MMEL1: variants seen among roughly 807,000 people sequenced by gnomAD.
MMEL1 encodes the protein membrane metalloendopeptidase like 1.
MMEL1 carries 98 observed loss-of-function variants against 117.1 expected under a neutral mutation model. The ratio of observed to expected loss-of-function variants is 0.84; its 90% CI spans 0.71 to 0.99. The LOEUF is 0.99. Among genes scored for constraint, MMEL1 ranks in the 50% least tolerant of loss-of-function variants. MMEL1 has a pLI of 0.00. For synonymous variants in MMEL1, 390 were observed against 415.1 expected, an observed-to-expected ratio of 0.94 and a Z score of 0.74; for missense variants, 1,014 against 1,049.1, an observed-to-expected ratio of 0.97 and a Z score of 0.46.
At chr1:2,607,109 T>C (rs1187657752) in intron 6 of MMEL1, 40 bp from the exon 7 acceptor site, 1 of 1,555,212 alleles carries the variant, frequency 6.4e-7, no homozygotes, top group Admixed American at 1.7e-5. Context: ...AGCCTCCCTG[T>C]GGCTCACGTG....
At chr1:2,613,525 C>T (rs539805304) in intron 2 of MMEL1, among the ~76,000 whole-genome samples, 77 of 152,262 alleles carry the variant, frequency 5.1e-4, no homozygotes, top group Non-Finnish European at 1.0e-3. Flanking sequence ...GCCAGGAGAG[C>T]AAGCTGGAGA....
Position 2,606,307 on chromosome 1 carries a change from C to T in MMEL1, c.691G>A (p.Val231Ile), listed in dbSNP as rs544074938. 26 of 1,613,030 alleles carry T rather than the reference C, an allele frequency of 1.6e-5. No homozygotes were observed. Among genetic ancestry groups the T allele is most frequent in the East Asian group, 6.7e-5 (3 of 44,878 alleles). Residue 231 changes from valine to isoleucine, a missense_variant, in exon 8 of 24, where the codon GTC becomes ATC. Transcript: ENST00000378412. ...ALMNSQFNRR[V>I]LIDLFIWNDD... ...TTCCAGATGAAGAGGTCGATGAGGA[C>T]GCGCCTGTTGAACTGTGAGTTCATC...
rs1435791563 is a variant in MMEL1 at position 2,612,975 on chromosome 1, C to A, written c.155-771G>T. On this transcript the variant is annotated intron_variant, in intron 2 of 23. Coordinates refer to ENST00000378412, the MANE Select transcript of MMEL1 (RefSeq NM_033467.4). This position sits in a 1 kb window ranked among gnomAD's most constrained non-coding sequence, Gnocchi z 5.4. The stretch of plus-strand genomic sequence containing the variant: ...GGAACAGGGCTCGTTCAGGTCAGGG[C>A]TGTTGGCAGGCCTGGAACCTGGCCT... 4.6e-5 allele frequency among the ~76,000 whole-genome samples: 7 copies of A among 152,212 alleles called. No individual in the cohort carries two copies. Among genetic ancestry groups the A allele is most frequent in the African/African-American group, 1.7e-4 (7 of 41,460 alleles).
At chr1:2,617,767 A>G (rs1040819151) in intron 2 of MMEL1, among the ~76,000 whole-genome samples, 1 of 152,184 alleles carries the variant, frequency 6.6e-6, no homozygotes, top group African/African-American at 2.4e-5. Context: ...GAAAAAGCAA[A>G]AACAGTGAGA....
At chr1:2,632,169 G>A (rs1258522744) in intron 1 of MMEL1, among the ~76,000 whole-genome samples, 3 of 149,414 alleles carry the variant, frequency 2.0e-5, no homozygotes, top group Non-Finnish European at 4.4e-5. Flanking sequence ...CCTTGGCTCG[G>A]CCTCGGGTTC....
chr1:2,601,873 G>A (rs1644937259), intron 11 of MMEL1, among the ~76,000 whole-genome samples: 1 of 152,266 alleles, frequency 6.6e-6, no homozygotes, highest in South Asian at 2.1e-4. Flanking sequence ...GTGCAGAAAC[G>A]GCTGAGAACG....
chr1:2,606,315 T>TTGAACTGTGAGTTCATCAGCGCCAGCTGA lies in MMEL1; in HGVS notation c.682_683insTCAGCTGGCGCTGATGAACTCACAGTTCA (p.Asn228IlefsTer5). The TTGAACTGTGAGTTCATCAGCGCCAGCTGA allele has an allele frequency of 2.5e-6, 4 of 1,612,982 alleles. No homozygotes were observed. Among genetic ancestry groups the TTGAACTGTGAGTTCATCAGCGCCAGCTGA allele is most frequent in the Non-Finnish European group, 3.4e-6 (4 of 1,179,932 alleles). ...GAAGAGGTCGATGAGGACGCGCCTG[T>TTGAACTGTGAGTTCATCAGCGCCAGCTGA]TGAACTGTGAGTTCATCAGCGCCAG... On this transcript the variant is annotated stop_gained and frameshift_variant, in exon 8 of 24. Coordinates refer to ENST00000378412, the MANE Select transcript of MMEL1 (RefSeq NM_033467.4). LOFTEE classifies it high-confidence loss of function.
In MMEL1 at chr1:2,595,323, A is replaced by G. The variant is rs762207962; in HGVS notation, c.1537T>C (p.Tyr513His). The G allele has an allele frequency of 6.2e-7, 1 of 1,613,878 alleles. No homozygotes were observed. The highest frequency in any genetic ancestry group is 1.1e-5 in the South Asian group (1 of 91,088). ...CGCCTGTTCATCTCCTCCAGGATGTAGTCAGGGTGCCCGATCTGCTCCCGG... is the reference window on the plus strand; with the variant it reads ...CGCCTGTTCATCTCCTCCAGGATGTGGTCAGGGTGCCCGATCTGCTCCCGG... Reference protein sequence around the residue: ...SIREQIGHPDYILEEMNRRLD... With the variant: ...SIREQIGHPDHILEEMNRRLD... Residue 513 changes from tyrosine to histidine, a missense_variant, in exon 16 of 24, where the codon TAC becomes CAC. Tyr to His is a moderately conservative substitution (Grantham distance 83). Coordinates refer to ENST00000378412, the MANE Select transcript of MMEL1 (RefSeq NM_033467.4). The surrounding 1 kb of genome is among the most constrained non-coding windows in gnomAD (Gnocchi z 4.8).
intron 2 of MMEL1, among the ~76,000 whole-genome samples, chr1:2,618,650 G>T (rs868699127): frequency 2.0e-4 from 31 of 152,222 alleles, no homozygotes; most frequent in African/African-American, 6.3e-4. Flanking sequence ...AACCTCTCGC[G>T]GAGAAGCCAA....
At chr1:2,598,145 C>T in intron 13 of MMEL1, 62 bp downstream of exon 13, 9 of 1,451,480 alleles carry the variant, frequency 6.2e-6, no homozygotes, top group Non-Finnish European at 7.6e-6. Context: ...ACAGCTTATG[C>T]TCAGCATCGT....
chr1:2,622,393 G>A (rs2100962116), intron 2 of MMEL1, among the ~76,000 whole-genome samples: 1 of 152,244 alleles, frequency 6.6e-6, no homozygotes, highest in East Asian at 1.9e-4. Flanking sequence ...GACACCACTG[G>A]TCTGTGGGCC....
chr1:2,601,886 C>T (rs1056693684), intron 11 of MMEL1, among the ~76,000 whole-genome samples: 1 of 152,266 alleles, frequency 6.6e-6, no homozygotes, highest in Non-Finnish European at 1.5e-5. Context: ...TGAGAACGGA[C>T]ACCACCCAGC....
chr1:2,616,996 T>G (rs1188912310), intron 2 of MMEL1, among the ~76,000 whole-genome samples: 1 of 152,244 alleles, frequency 6.6e-6, no homozygotes, highest in Non-Finnish European at 1.5e-5. Context: ...GAGCTAGGCA[T>G]GTTTTTTCCG....
At chr1:2,619,200 A>G (rs1000029704) in intron 2 of MMEL1, among the ~76,000 whole-genome samples, 1 of 152,174 alleles carries the variant, frequency 6.6e-6, no homozygotes, top group African/African-American at 2.4e-5. Context: ...AGTTACATGG[A>G]CAGAGCACCC....
intron 22 of MMEL1, 43 bp from the exon 23 acceptor site, chr1:2,591,676 G>T (rs776956555): frequency 6.8e-7 from 1 of 1,464,314 alleles, no homozygotes; most frequent in Admixed American, 1.7e-5. Context: ...GCGTGGTGGG[G>T]TGGCCAGGAG....
At chr1:2,615,456 A>T (rs1255713017) in intron 2 of MMEL1, among the ~76,000 whole-genome samples, 1 of 152,208 alleles carries the variant, frequency 6.6e-6, no homozygotes, top group Admixed American at 6.5e-5. Flanking sequence ...GATCACAAAA[A>T]ACAAAAACAC....
chr1:2,608,197 C>G (rs1247519393), intron 6 of MMEL1, among the ~76,000 whole-genome samples: 4 of 152,048 alleles, frequency 2.6e-5, no homozygotes, highest in African/African-American at 9.7e-5. Context: ...AAGCCAGGGT[C>G]CCAGCGAGTT....
chr1:2,612,905 G>A lies in MMEL1; in HGVS notation c.155-701C>T, dbSNP rs956097490. Among the ~76,000 whole-genome samples, 1 of 152,160 alleles carries A rather than the reference G, an allele frequency of 6.6e-6. No homozygotes were observed. The highest frequency in any genetic ancestry group is 1.5e-5 in the Non-Finnish European group (1 of 68,026). ...CTACCTTCAGACCTGGCTTGTGGCC[G>A]AATTTCCCCAGCAGTGAGGTACACA... On this transcript the variant is annotated intron_variant, in intron 2 of 23. Transcript: ENST00000378412. This position sits in a 1 kb window ranked among gnomAD's most constrained non-coding sequence, Gnocchi z 5.4.
At chr1:2,618,819 T>A (rs1195773115) in intron 2 of MMEL1, among the ~76,000 whole-genome samples, 1 of 152,252 alleles carries the variant, frequency 6.6e-6, no homozygotes, top group Middle Eastern at 3.4e-3. Context: ...AATCTTACAT[T>A]AGTGAGAGAA....
Sources: gnomAD v4.1 joint callset for allele counts (sites outside exome capture counted in the v4.1 genomes callset) on GRCh38, gnomAD v4.1.1 for gene constraint, Gnocchi (gnomAD v3.1) non-coding constraint, MANE v1.5 for transcripts, NCBI Gene and HGNC (gene_info 2026-07-23, HGNC 2026-07-21) for gene names.